Variants in GALNT18 observed in about 807,000 individuals in gnomAD.
GALNT18 encodes GalNAc-transferase 18.
GALNT18 carries 44 observed loss-of-function variants against 69.5 expected under a neutral mutation model. The ratio of observed to expected loss-of-function variants is 0.63; its 90% CI spans 0.50 to 0.81. The LOEUF is 0.81. Among genes scored for constraint, GALNT18 ranks in the 40% least tolerant of loss-of-function variants. The pLI is 0.00. For synonymous variants in GALNT18, 364 were observed against 318.2 expected, an observed-to-expected ratio of 1.14 and a Z score of -1.53; for missense variants, 715 against 810.0, an observed-to-expected ratio of 0.88 and a Z score of 1.42.
chr11:11,319,953 G>A (rs1215387614), intron 9 of GALNT18, among the ~76,000 whole-genome samples: 1 of 152,094 alleles, frequency 6.6e-6, no homozygotes, highest in African/African-American at 2.4e-5. Flanking sequence ...CGCTTTATGT[G>A]CATTGATTTA....
Position 11,389,059 on chromosome 11 carries a change from G to A in GALNT18, c.596-9795C>T, listed in dbSNP as rs1360919428. ...GCCCAGTATCACAGAGCTAGAAGAT[G>A]GCAGAGCTGAAAAGCAAACCCAGGC... On this transcript the variant is annotated intron_variant, in intron 3 of 10. Transcript: ENST00000227756. The surrounding 1 kb of genome is among the most constrained non-coding windows in gnomAD (Gnocchi z 4.3). Among the ~76,000 whole-genome samples, 1 of 152,170 alleles carries A rather than the reference G, an allele frequency of 6.6e-6. No homozygotes were observed. Among genetic ancestry groups the A allele is most frequent in the Non-Finnish European group, 1.5e-5 (1 of 68,036 alleles).
intron 1 of GALNT18, among the ~76,000 whole-genome samples, chr11:11,578,711 G>T (rs929620455): frequency 6.6e-5 from 10 of 152,236 alleles, no homozygotes; most frequent in South Asian, 2.1e-4. Context: ...CCTCCTGTGC[G>T]CAGGACAAAT....
At position 11,584,089 on chromosome 11, in the gene GALNT18, G is replaced by T. The variant is rs1053413536; in HGVS notation, c.235+37270C>A. Among the ~76,000 whole-genome samples the T allele has an allele frequency of 3.0e-4, 45 of 152,172 alleles. No individual in the cohort carries two copies. The highest frequency in any genetic ancestry group is 1.1e-3 in the African/African-American group (44 of 41,522). ...GAAAACTGTGGTCAAGCAGAAAAGA[G>T]ATAAGAGGACATACGGAGAGAAGTA... On this transcript the variant is annotated intron_variant, in intron 1 of 10. Transcript: ENST00000227756. This position sits in a 1 kb window ranked among gnomAD's most constrained non-coding sequence, Gnocchi z 4.1.
intron 1 of GALNT18, chr11:11,475,342 C>A (rs901614715): frequency 5.9e-5 from 9 of 152,154 alleles, no homozygotes; most frequent in Non-Finnish European, 1.0e-4. Flanking sequence ...GATATCCTTC[C>A]AAATCTCCAT....
intron 3 of GALNT18, among the ~76,000 whole-genome samples, chr11:11,406,099 C>T (rs1854582301): frequency 6.6e-6 from 1 of 152,198 alleles, no homozygotes; most frequent in Admixed American, 6.5e-5. Flanking sequence ...GTGATTTTCT[C>T]CTTGTGAACT....
At chr11:11,361,137 G>T (rs1850636499) in intron 6 of GALNT18, among the ~76,000 whole-genome samples, 1 of 152,166 alleles carries the variant, frequency 6.6e-6, no homozygotes, top group African/African-American at 2.4e-5. Flanking sequence ...TCCCAGCAGG[G>T]GGAAAGTGAA....
intron 1 of GALNT18, among the ~76,000 whole-genome samples, chr11:11,530,579 G>C (rs1002731832): frequency 6.6e-6 from 1 of 152,180 alleles, no homozygotes; most frequent in African/African-American, 2.4e-5. Flanking sequence ...TAGAGGAAAA[G>C]GAAAGGCAGG....
At chr11:11,370,558 T>C (rs1850877368) in intron 6 of GALNT18, among the ~76,000 whole-genome samples, 1 of 151,054 alleles carries the variant, frequency 6.6e-6, no homozygotes, top group Non-Finnish European at 1.5e-5. Context: ...TGACACTTCA[T>C]TTCTGTCAAC....
At chr11:11,506,013 C>T (rs1280714945) in intron 1 of GALNT18, among the ~76,000 whole-genome samples, 1 of 152,186 alleles carries the variant, frequency 6.6e-6, no homozygotes, top group African/African-American at 2.4e-5. Context: ...ATTGAGGTTT[C>T]CTGCAGTCAC....
intron 3 of GALNT18, among the ~76,000 whole-genome samples, chr11:11,409,190 G>T (rs922989822): frequency 6.6e-6 from 1 of 152,184 alleles, no homozygotes; most frequent in African/African-American, 2.4e-5. Flanking sequence ...CTGCCCACCT[G>T]CTTCTAGCTA....
chr11:11,456,880 C>G (rs896896527), intron 1 of GALNT18, among the ~76,000 whole-genome samples: 1 of 152,222 alleles, frequency 6.6e-6, no homozygotes, highest in Non-Finnish European at 1.5e-5. Context: ...GCCTGACACA[C>G]AGCCCATTGA....
chr11:11,413,644 C>T lies in GALNT18; in HGVS notation c.595+18977G>A, dbSNP rs1854782680. Among the ~76,000 whole-genome samples, 1 of 152,190 alleles carries T rather than the reference C, an allele frequency of 6.6e-6. No homozygotes were observed. The highest frequency in any genetic ancestry group is 2.1e-4 in the South Asian group (1 of 4,826). On this transcript the variant is annotated intron_variant, in intron 3 of 10. Coordinates refer to ENST00000227756, the MANE Select transcript of GALNT18 (RefSeq NM_198516.3). This position sits in a 1 kb window ranked among gnomAD's most constrained non-coding sequence, Gnocchi z 4.7. ...AGCCTCCACTCTGGGTCTGTGGCTG[C>T]ACCCGGGGCCCCAGCATGGAGCAGA... is the stretch of plus-strand genomic sequence containing the variant.
rs1425063637 is a variant in GALNT18 at position 11,379,351 on chromosome 11, C to T, written c.596-87G>A. The T allele has an allele frequency of 3.8e-6, 5 of 1,326,680 alleles. No homozygotes were observed. In the African/African-American group the frequency reaches 4.4e-5, roughly 12 times the overall value. The allele number at this position is 1,326,680 out of a possible 1,614,324, so 82.2% of individuals were successfully genotyped here. ...ACAACAGTCACTCTTTTAGTGATGA[C>T]CCCCAGAGAAAGGCTGGGGGACCCA... is the stretch of plus-strand genomic sequence containing the variant. On this transcript the variant is annotated intron_variant, in intron 3 of 10. Coordinates refer to ENST00000227756, the MANE Select transcript of GALNT18 (RefSeq NM_198516.3).
Position 11,421,852 on chromosome 11 carries a change from C to T in GALNT18, c.595+10769G>A, listed in dbSNP as rs1855013863. Among the ~76,000 whole-genome samples the T allele has an allele frequency of 6.6e-6, 1 of 152,128 alleles. No homozygotes were observed. The highest frequency in any genetic ancestry group is 6.5e-5 in the Admixed American group (1 of 15,280). On this transcript the variant is annotated intron_variant, in intron 3 of 10. Transcript: ENST00000227756. This position sits in a 1 kb window ranked among gnomAD's most constrained non-coding sequence, Gnocchi z 5.6. ...CTGGACTATGCAGTTAGAAAAGGCA[C>T]TTTGGAGACAGACTCACACCAGGAT... is the stretch of plus-strand genomic sequence containing the variant.
In GALNT18 at chr11:11,368,588, T is replaced by C. The variant is rs530432571; in HGVS notation, c.1092+3927A>G. Among the ~76,000 whole-genome samples the C allele has an allele frequency of 5.3e-4, 81 of 152,264 alleles. 1 individual carries two copies. In the South Asian group the frequency reaches 0.016, roughly 30 times the overall value. ...TGATTTCTTTAGATCTATTTTCCAG[T>C]TTCTTAATTTTATTCCTTTAATAAT... On this transcript the variant is annotated intron_variant, in intron 6 of 10. Transcript: ENST00000227756.
Position 11,419,596 on chromosome 11 carries a change from C to CAA in GALNT18, c.595+13023_595+13024dup, listed in dbSNP as rs58012512. Among the ~76,000 whole-genome samples the CAA allele has an allele frequency of 4.6e-3, 122 of 26,606 alleles. 4 individuals are homozygous for CAA. The highest frequency in any genetic ancestry group is 9.1e-3 in the Non-Finnish European group (102 of 11,198). 17.5% of individuals were successfully genotyped at this position (26,606 alleles called of 152,430 possible). On this transcript the variant is annotated intron_variant, in intron 3 of 10. Transcript: ENST00000227756. ...TGGGCAACAAAGCAAGATCCTGTCTCAAAAAAAAAAAAAAAAAAAAAAAAA... is the reference window on the plus strand; with the variant it reads ...TGGGCAACAAAGCAAGATCCTGTCTCAAAAAAAAAAAAAAAAAAAAAAAAAAA...
intron 3 of GALNT18, among the ~76,000 whole-genome samples, chr11:11,380,084 C>T (rs1406341075): frequency 1.3e-5 from 2 of 152,226 alleles, no homozygotes; most frequent in Non-Finnish European, 2.9e-5. Context: ...TGTGAATTCC[C>T]TCTGTCTGCC....
chr11:11,450,617 TG>T (rs1348426553), intron 1 of GALNT18, among the ~76,000 whole-genome samples: 1 of 152,158 alleles, frequency 6.6e-6, no homozygotes, highest in Non-Finnish European at 1.5e-5. Context: ...CCGAACTCAC[TG>T]GGTGCACATG....
intron 6 of GALNT18, among the ~76,000 whole-genome samples, chr11:11,354,020 T>C (rs1315771221): frequency 1.3e-5 from 2 of 152,204 alleles, no homozygotes; most frequent in African/African-American, 4.8e-5. Context: ...ATGCTGAACA[T>C]TCTCTCGCTC....
Sources: allele counts gnomAD v4.1 joint callset (sites outside exome capture counted in the v4.1 genomes callset), GRCh38; gene constraint gnomAD v4.1.1; non-coding constraint Gnocchi (gnomAD v3.1); transcripts MANE v1.5; gene names NCBI Gene and HGNC (gene_info 2026-07-23, HGNC 2026-07-21).